The following YARS1 variants were observed in gnomAD, a reference collection of about 807,000 sequenced individuals.
YARS1 encodes tyrosyl-tRNA synthetase 1.
Under a neutral mutation model 62.2 loss-of-function variants are expected in YARS1, and 36 were observed. The ratio of observed to expected loss-of-function variants is 0.58; its 90% CI spans 0.44 to 0.76. The LOEUF (loss-of-function observed/expected upper bound fraction) is 0.76, where lower values mean the gene tolerates loss of function less well. YARS1 is among the 30% of genes least tolerant of loss of function. The pLI is 0.00. For missense variants in YARS1, 524 were observed against 639.8 expected (o/e 0.82, Z 1.95); for synonymous variants, 234 against 244.9 (o/e 0.96, Z 0.42).
chr1:32,817,269 G>A lies in YARS1; in HGVS notation c.-25C>T, dbSNP rs755810605. On this transcript the variant is annotated 5_prime_UTR_variant, in exon 1 of 13. Coordinates refer to ENST00000373477, the MANE Select transcript of YARS1 (RefSeq NM_003680.4). ...TGGCTCCGCTACCCCTGCTTCCCCC[G>A]CTCAGCCCGGCACCAGAGCCCCTTC... The A allele has an allele frequency of 2.7e-5, 44 of 1,613,288 alleles. No individual in the cohort carries two copies. Among genetic ancestry groups the A allele is most frequent in the Non-Finnish European group, 3.6e-5 (43 of 1,179,840 alleles).
intron 5 of YARS1, among the ~76,000 whole-genome samples, chr1:32,791,930 C>A (rs966286130): frequency 3.9e-5 from 6 of 152,112 alleles, no homozygotes; most frequent in African/African-American, 1.4e-4. Context: ...TATTTCTTTG[C>A]AAACCAGGTG....
At chr1:32,809,880 C>T (rs752141791) in intron 3 of YARS1, among the ~76,000 whole-genome samples, 10 of 152,008 alleles carry the variant, frequency 6.6e-5, no homozygotes, top group Non-Finnish European at 8.8e-5. Flanking sequence ...CCGAGGTGGG[C>T]GGATCACCTG....
rs1652805662 is a variant in YARS1, at chr1:32,775,246, T to TCAGA, written c.*731_*734dup. The TCAGA allele has an allele frequency of 6.6e-6, 1 of 152,508 alleles. No homozygotes were observed. Among genetic ancestry groups the TCAGA allele is most frequent in the South Asian group, 2.1e-4 (1 of 4,842 alleles). The allele number at this position is 152,508 out of a possible 1,614,324, so 9.4% of individuals were successfully genotyped here. A position where few individuals can be genotyped will look rare whatever the true frequency, so the allele number is the denominator to read the frequency against. On this transcript the variant is annotated 3_prime_UTR_variant, in exon 13 of 13. Coordinates refer to ENST00000373477, the MANE Select transcript of YARS1 (RefSeq NM_003680.4). ...CCAGCTCACATCCAGACACCCTTGT[T>TCAGA]CAGACATTTTATTTGAATTTATGAC...
At chr1:32,784,285 G>C (rs956810569) in intron 8 of YARS1, among the ~76,000 whole-genome samples, 4 of 151,932 alleles carry the variant, frequency 2.6e-5, no homozygotes, top group African/African-American at 9.7e-5. Context: ...AAAGTGCTGG[G>C]ATTACAGGTG....
Position 32,776,737 on chromosome 1 carries a change from T to C in YARS1, c.1477-646A>G, listed in dbSNP as rs1217707990. Among the ~76,000 whole-genome samples, 2 of 151,904 alleles carry C rather than the reference T, an allele frequency of 1.3e-5. No individual in the cohort carries two copies. The highest frequency in any genetic ancestry group is 2.9e-5 in the Non-Finnish European group (2 of 67,988). On this transcript the variant is annotated intron_variant, in intron 12 of 12. Transcript: ENST00000373477. This position sits in a 1 kb window ranked among gnomAD's most constrained non-coding sequence, Gnocchi z 4.0. ...ATCCCAGCATTTCGGGAGGCCGAGG[T>C]GGGCGGATCACGAGGTCAGGAGATT...
chr1:32,815,115 G>A (rs61800867), intron 1 of YARS1, among the ~76,000 whole-genome samples: 20,868 of 152,156 alleles, frequency 0.14, 1,779 homozygotes, highest in South Asian at 0.23. Flanking sequence ...TTGGGACGCC[G>A]AATTTGGCGG....
intron 6 of YARS1, among the ~76,000 whole-genome samples, chr1:32,787,511 GA>G: frequency 7.0e-6 from 1 of 142,724 alleles, no homozygotes; most frequent in East Asian, 2.1e-4. Context: ...AATAAATAAA[GA>G]TTTTTTTTTT....
chr1:32,791,516 G>A (rs1318657404), intron 5 of YARS1, among the ~76,000 whole-genome samples: 1 of 152,060 alleles, frequency 6.6e-6, no homozygotes, highest in Admixed American at 6.6e-5. Flanking sequence ...AAAACAACAG[G>A]GCAAGCCGGG....
At chr1:32,809,887 C>T (rs1638544718) in intron 3 of YARS1, among the ~76,000 whole-genome samples, 1 of 152,070 alleles carries the variant, frequency 6.6e-6, no homozygotes, top group South Asian at 2.1e-4. Flanking sequence ...GGGCGGATCA[C>T]CTGAGCTCAG....
intron 4 of YARS1, among the ~76,000 whole-genome samples, chr1:32,799,640 G>T (rs1336044507): frequency 6.6e-6 from 1 of 152,206 alleles, no homozygotes; most frequent in Non-Finnish European, 1.5e-5. Context: ...ATCTTCTGTG[G>T]TGATGAATAT....
chr1:32,813,034 A>G (rs977628106), intron 1 of YARS1, among the ~76,000 whole-genome samples: 3 of 151,986 alleles, frequency 2.0e-5, no homozygotes, highest in African/African-American at 7.3e-5. Flanking sequence ...GCTGACTTCA[A>G]TTCTTCAGGC....
chr1:32,790,831 TA>T (rs1653391468), intron 6 of YARS1: 1 of 324,736 alleles, frequency 3.1e-6, no homozygotes, highest in African/African-American at 2.1e-5. Context: ...TATCAAGTAT[TA>T]CCCTAGGAAT....
intron 8 of YARS1, 52 bp from the exon 9 acceptor site, chr1:32,782,591 A>G: frequency 6.2e-7 from 1 of 1,612,090 alleles, no homozygotes; most frequent in Admixed American, 1.7e-5. Flanking sequence ...AGGGCACAGG[A>G]CACCTGAATC....
At chr1:32,803,738 CT>C (rs1282400425) in intron 4 of YARS1, among the ~76,000 whole-genome samples, 17 of 147,606 alleles carry the variant, frequency 1.2e-4, no homozygotes, top group South Asian at 4.3e-4. Flanking sequence ...TCACCTTGCA[CT>C]TTTTTTTTTT....
In YARS1 at chr1:32,802,589, T is replaced by C. The variant is rs562951251; in HGVS notation, c.510+3893A>G. Among the ~76,000 whole-genome samples the C allele has an allele frequency of 3.0e-4, 46 of 152,286 alleles. 1 individual carries two copies. In the South Asian group the frequency reaches 7.3e-3, roughly 24 times the overall value. On this transcript the variant is annotated intron_variant, in intron 4 of 12. Transcript: ENST00000373477. ...GATGTTGTGTTAGCAGGCATGAAAATAACATTCAACTCCTGAACATCTCAA... is the reference window on the plus strand; with the variant it reads ...GATGTTGTGTTAGCAGGCATGAAAACAACATTCAACTCCTGAACATCTCAA...
At chr1:32,784,149 C>T (rs1653146543) in intron 8 of YARS1, among the ~76,000 whole-genome samples, 1 of 151,746 alleles carries the variant, frequency 6.6e-6, no homozygotes, top group African/African-American at 2.4e-5. Context: ...CGACTACAGG[C>T]ATGCGCCATC....
rs978997745 is a variant in YARS1 at position 32,790,771 on chromosome 1, C to A, written c.684+391G>T. 8 of 212,880 alleles carry A rather than the reference C, an allele frequency of 3.8e-5. No individual in the cohort carries two copies. The East Asian group carries it at 9.6e-4, about 25-fold the overall frequency. 13.2% of individuals were successfully genotyped at this position (212,880 alleles called of 1,614,324 possible). ...CAAAGTGAACTTTCCCTCAAGTACA[C>A]GAGCTCAAGAGGGACTCTTAAATAT... On this transcript the variant is annotated intron_variant, in intron 6 of 12. Transcript: ENST00000373477.
rs1200979561 is a variant in YARS1 at position 32,780,958 on chromosome 1, C to A, written c.1140+90G>T. On this transcript the variant is annotated intron_variant, in intron 10 of 12. Transcript: ENST00000373477. ...CTTGCAATATGACCTCAGGATGTTA[C>A]TTCCCATCTCCAGGCCACGTTTCCT... 10 of 1,186,530 alleles carry A rather than the reference C, an allele frequency of 8.4e-6. No homozygotes were observed. In the East Asian group the frequency reaches 1.2e-4, roughly 14 times the overall value. The allele number at this position is 1,186,530 out of a possible 1,614,324, so 73.5% of individuals were successfully genotyped here. A position where few individuals can be genotyped will look rare whatever the true frequency, so the allele number is the denominator to read the frequency against.
intron 1 of YARS1, among the ~76,000 whole-genome samples, chr1:32,815,541 A>G (rs1638691237): frequency 6.6e-6 from 1 of 152,252 alleles, no homozygotes; most frequent in Non-Finnish European, 1.5e-5. Context: ...TCAACTGATG[A>G]ACGGATAAAC....
Sources: gnomAD v4.1 joint callset for allele counts (sites outside exome capture counted in the v4.1 genomes callset) on GRCh38, gnomAD v4.1.1 for gene constraint, Gnocchi (gnomAD v3.1) non-coding constraint, MANE v1.5 for transcripts, NCBI Gene and HGNC (gene_info 2026-07-23, HGNC 2026-07-21) for gene names.